Variants in SLC35A1 observed in about 807,000 individuals in gnomAD.
SLC35A1 encodes the protein solute carrier family 35 member A1, also known as CMP-sialic acid transporter.
In SLC35A1, 21 loss-of-function variants were observed where a neutral mutation model predicts 40.3. The observed-to-expected ratio is 0.52, with a 90% CI of 0.37 to 0.75. The LOEUF (loss-of-function observed/expected upper bound fraction) is 0.75. SLC35A1 is among the 30% of genes least tolerant of loss of function. SLC35A1 has a pLI of 0.00. For missense variants in SLC35A1, 297 were observed against 382.1 expected (o/e 0.78, Z 1.86); for synonymous variants, 146 against 147.3 (o/e 0.99, Z 0.06).
intron 4 of SLC35A1, among the ~76,000 whole-genome samples, chr6:87,504,700 TTTC>T (rs571812243): frequency 1.3e-5 from 2 of 152,338 alleles, no homozygotes; most frequent in South Asian, 4.1e-4. Flanking sequence ...CACCCAGCAG[TTTC>T]TTGTCAGAAT....
intron 4 of SLC35A1, among the ~76,000 whole-genome samples, chr6:87,503,464 T>C (rs1305913323): frequency 1.3e-5 from 2 of 152,142 alleles, no homozygotes; most frequent in African/African-American, 4.8e-5. Flanking sequence ...GTGTTGTCTA[T>C]AAAAATATTA....
intron 1 of SLC35A1, among the ~76,000 whole-genome samples, chr6:87,475,194 A>G (rs12524205): frequency 0.3 from 45,696 of 152,116 alleles, 7,049 homozygotes; most frequent in Admixed American, 0.4. Context: ...TAATAAAACT[A>G]TTCATGGACA....
intron 1 of SLC35A1, among the ~76,000 whole-genome samples, chr6:87,474,430 A>G (rs766130451): frequency 1.3e-5 from 2 of 152,214 alleles, no homozygotes; most frequent in African/African-American, 4.8e-5. Flanking sequence ...CACAAACACT[A>G]TATGGGAGCT....
At chr6:87,505,468 A>T (rs1170958569) in intron 4 of SLC35A1, among the ~76,000 whole-genome samples, 1 of 152,250 alleles carries the variant, frequency 6.6e-6, no homozygotes, top group East Asian at 1.9e-4. Context: ...TTTTGCCTAT[A>T]CATAACAGAG....
chr6:87,494,378 G>A (rs892995230), intron 2 of SLC35A1, among the ~76,000 whole-genome samples: 12 of 151,722 alleles, frequency 7.9e-5, no homozygotes, highest in South Asian at 2.1e-4. Context: ...TGGATATTGC[G>A]AAAGCTGTAC....
intron 1 of SLC35A1, among the ~76,000 whole-genome samples, chr6:87,475,455 A>G (rs1562016283): frequency 6.6e-6 from 1 of 152,222 alleles, no homozygotes; most frequent in Non-Finnish European, 1.5e-5. Flanking sequence ...AGGAAGTATT[A>G]TAGTGATCTC....
intron 2 of SLC35A1, chr6:87,488,010 G>A (rs552958446): frequency 2.2e-4 from 33 of 152,182 alleles, no homozygotes; most frequent in Non-Finnish European, 3.7e-4. Flanking sequence ...GTGTTTCCTA[G>A]TATAAACAAT....
chr6:87,500,449 A>G (rs1214222634), intron 2 of SLC35A1, 59 bp from the exon 3 acceptor site: 1 of 1,537,940 alleles, frequency 6.5e-7, no homozygotes, highest in Non-Finnish European at 9.0e-7. Flanking sequence ...TCTTATTAAA[A>G]TAATACTCTT....
At chr6:87,485,930 T>C (rs1282754356) in intron 2 of SLC35A1, among the ~76,000 whole-genome samples, 2 of 152,196 alleles carry the variant, frequency 1.3e-5, no homozygotes, top group Admixed American at 6.5e-5. Context: ...AAGAAATTAC[T>C]ATTTAAATGG....
At chr6:87,495,660 T>C (rs1267509697) in intron 2 of SLC35A1, among the ~76,000 whole-genome samples, 1 of 151,772 alleles carries the variant, frequency 6.6e-6, no homozygotes, top group Non-Finnish European at 1.5e-5. Flanking sequence ...AGTCTTTTTT[T>C]TTTTTTCTTT....
At position 87,495,647 on chromosome 6, in the gene SLC35A1, C is replaced by T. The variant is rs372144141; in HGVS notation, c.195-4861C>T. 4.6e-5 allele frequency among the ~76,000 whole-genome samples: 7 copies of T among 151,230 alleles called. No homozygotes were observed. The East Asian group carries it at 9.7e-4, about 21-fold the overall frequency. The stretch of plus-strand genomic sequence containing the variant: ...TTATTGGTTTTTTAACCTAGCCCCT[C>T]AAAGTCTTTTTTTTTTTTTCTTTTT... On this transcript the variant is annotated intron_variant, in intron 2 of 7. Coordinates refer to ENST00000369552, the MANE Select transcript of SLC35A1 (RefSeq NM_006416.5).
intron 2 of SLC35A1, among the ~76,000 whole-genome samples, chr6:87,497,903 T>G (rs1196240953): frequency 6.6e-6 from 1 of 151,686 alleles, no homozygotes; most frequent in Non-Finnish European, 1.5e-5. Context: ...AGTTTTTTTT[T>G]TTTTTTTAAG....
chr6:87,474,494 G>C (rs975407352), intron 1 of SLC35A1, among the ~76,000 whole-genome samples: 2 of 152,242 alleles, frequency 1.3e-5, no homozygotes, highest in Non-Finnish European at 2.9e-5. Flanking sequence ...GTGGCTGCCA[G>C]TTGAGTTGTG....
intron 2 of SLC35A1, among the ~76,000 whole-genome samples, chr6:87,482,220 C>G (rs570576966): frequency 4.6e-5 from 7 of 151,952 alleles, no homozygotes; most frequent in Admixed American, 3.9e-4. Context: ...ATATAACATT[C>G]TTTTTATATA....
chr6:87,477,478 A>G lies in SLC35A1; in HGVS notation c.133A>G (p.Thr45Ala), dbSNP rs145006535. The change falls in exon 2 of 8, where the codon ACC (threonine) becomes GCC (alanine). Residue 45 changes from threonine to alanine, a missense_variant. Coordinates refer to ENST00000369552, the MANE Select transcript of SLC35A1 (RefSeq NM_006416.5). ...RTSDKELYFS[T>A]TAVCITEVIK... ...ATCAGACAAAGAACTCTACTTTTCA[A>G]CCACAGCCGTGTGTATCACAGAAGT... The G allele has an allele frequency of 3.5e-3, 5,595 of 1,614,086 alleles. 9 individuals are homozygous for G. Among genetic ancestry groups the G allele is most frequent in the Non-Finnish European group, 4.0e-3 (4,775 of 1,179,960 alleles).
intron 2 of SLC35A1, among the ~76,000 whole-genome samples, chr6:87,493,075 T>A (rs994648113): frequency 6.6e-6 from 1 of 152,274 alleles, no homozygotes; most frequent in African/African-American, 2.4e-5. Flanking sequence ...GGCATTCTAC[T>A]CTAGAAATTT....
intron 4 of SLC35A1, among the ~76,000 whole-genome samples, chr6:87,501,933 A>G (rs902105968): frequency 6.6e-6 from 1 of 152,186 alleles, no homozygotes; most frequent in Admixed American, 6.5e-5. Flanking sequence ...GTATGCCTCA[A>G]TCAGTTATTT....
At chr6:87,485,361 A>G (rs1769363822) in intron 2 of SLC35A1, among the ~76,000 whole-genome samples, 1 of 152,210 alleles carries the variant, frequency 6.6e-6, no homozygotes, top group Non-Finnish European at 1.5e-5. Context: ...ATCATCTCAC[A>G]GAAAGGATGA....
chr6:87,505,212 T>C (rs1308825402), intron 4 of SLC35A1, among the ~76,000 whole-genome samples: 2 of 152,146 alleles, frequency 1.3e-5, no homozygotes, highest in Non-Finnish European at 2.9e-5. Context: ...AGTGGCACTT[T>C]TCTTATATCA....
Sources: allele counts gnomAD v4.1 joint callset (sites outside exome capture counted in the v4.1 genomes callset), GRCh38; gene constraint gnomAD v4.1.1; transcripts MANE v1.5; gene names NCBI Gene and HGNC (gene_info 2026-07-23, HGNC 2026-07-21).